The following S100Z variants were observed in gnomAD, a reference collection of about 807,000 sequenced individuals.
The protein encoded by S100Z is protein S100-Z.
S100Z carries 11 observed loss-of-function variants against 8.5 expected under a neutral mutation model. The ratio of observed to expected loss-of-function variants is 1.30; its 90% confidence interval spans 0.82 to 2.15. S100Z has a LOEUF of 2.15. S100Z is among the 30% of genes most tolerant of loss of function. The pLI is 0.00. For synonymous variants in S100Z, 34 were observed against 43.8 expected (o/e 0.78, Z 0.89); for missense variants, 126 against 117.9 (o/e 1.07, Z -0.32).
At chr5:76,948,048 G>A in the S100Z span, among the ~76,000 whole-genome samples, 1 of 152,114 alleles carries the variant, frequency 6.6e-6, no homozygotes, top group African/African-American at 2.4e-5. Flanking sequence ...TCTGCAGGCT[G>A]GGAGCCGCGG....
chr5:76,868,623 C>CTTTTTTT (rs35398110), intron 1 of S100Z, among the ~76,000 whole-genome samples: 2 of 122,850 alleles, frequency 1.6e-5, no homozygotes, highest in Non-Finnish European at 3.3e-5. Context: ...AATTCAAACT[C>CTTTTTTT]TTTTTTTTTT....
the S100Z span, among the ~76,000 whole-genome samples, chr5:76,951,499 G>T: frequency 6.6e-6 from 1 of 152,210 alleles, no homozygotes; most frequent in Non-Finnish European, 1.5e-5. Context: ...CAGGCCAAGG[G>T]CTGTGGCTAC....
the S100Z span, among the ~76,000 whole-genome samples, chr5:76,932,947 A>G: frequency 1.3e-5 from 2 of 152,218 alleles, no homozygotes; most frequent in African/African-American, 2.4e-5. Flanking sequence ...AATGAAAATT[A>G]TATTTGCTTC....
At chr5:76,931,488 T>A in the S100Z span, among the ~76,000 whole-genome samples, 1 of 152,074 alleles carries the variant, frequency 6.6e-6, no homozygotes, top group Non-Finnish European at 1.5e-5. Context: ...TAAACCTAAT[T>A]ACCTTCCAAA....
At chr5:76,858,809 C>T (rs1212782114) in intron 1 of S100Z, among the ~76,000 whole-genome samples, 3 of 152,078 alleles carry the variant, frequency 2.0e-5, no homozygotes, top group Non-Finnish European at 2.9e-5. Context: ...GGTGGATACA[C>T]AGACTATAAA....
chr5:76,922,588 C>T (rs984441759), downstream of S100Z, among the ~76,000 whole-genome samples: 16 of 151,678 alleles, frequency 1.1e-4, no homozygotes, highest in African/African-American at 2.0e-4. Context: ...TGCAGTGGCA[C>T]GATCGGCTGA....
chr5:76,863,999 A>C (rs1475759824), intron 1 of S100Z, among the ~76,000 whole-genome samples: 1 of 152,246 alleles, frequency 6.6e-6, no homozygotes, highest in East Asian at 1.9e-4. Context: ...GATAGGTTAC[A>C]ATTTTAAATA....
chr5:76,935,360 A>G, the S100Z span, among the ~76,000 whole-genome samples: 1 of 152,234 alleles, frequency 6.6e-6, no homozygotes, highest in East Asian at 1.9e-4. Flanking sequence ...ATGATTACTA[A>G]TTTGACACAT....
chr5:76,913,574 A>G (rs6871700), intron 4 of S100Z, among the ~76,000 whole-genome samples: 105,191 of 151,760 alleles, frequency 0.69, 37,358 homozygotes, highest in African/African-American at 0.85. Context: ...AACTTACAAG[A>G]TTTTCAACTA....
chr5:76,910,871 G>A (rs1050483373), intron 4 of S100Z, among the ~76,000 whole-genome samples: 9 of 152,246 alleles, frequency 5.9e-5, no homozygotes, highest in Non-Finnish European at 1.3e-4. Flanking sequence ...GGGACAGCCT[G>A]TAACCAGTTG....
At chr5:76,868,621 CTCT>C (rs1742876124) in intron 1 of S100Z, among the ~76,000 whole-genome samples, 1 of 121,822 alleles carries the variant, frequency 8.2e-6, no homozygotes, top group Non-Finnish European at 1.7e-5. Flanking sequence ...CAAATTCAAA[CTCT>C]TTTTTTTTTT....
chr5:76,889,330 T>C (rs1378918330), intron 4 of S100Z, among the ~76,000 whole-genome samples: 2 of 152,254 alleles, frequency 1.3e-5, no homozygotes, highest in Non-Finnish European at 2.9e-5. Context: ...CGTCCGCTCA[T>C]TGAAGCCGTA....
chr5:76,851,355 G>T (rs532201589), intron 1 of S100Z, among the ~76,000 whole-genome samples: 1 of 152,338 alleles, frequency 6.6e-6, no homozygotes, highest in Admixed American at 6.5e-5. Flanking sequence ...AGGCAGGGGA[G>T]GCTAATTTTG....
intron 4 of S100Z, among the ~76,000 whole-genome samples, chr5:76,914,372 G>C (rs2150683417): frequency 2.7e-5 from 1 of 37,442 alleles, no homozygotes; most frequent in African/African-American, 2.0e-4. Context: ...TAAAAGGTTT[G>C]TAAACACACC....
chr5:76,920,728 A>G lies in S100Z; in HGVS notation c.*14A>G, dbSNP rs920592429. On this transcript the variant is annotated 3_prime_UTR_variant, in exon 5 of 5. Transcript: ENST00000317593. The stretch of plus-strand genomic sequence containing the variant: ...GTCTTTGATTTCAGGAAGTTCGTGA[A>G]TGCTAATCAAGGGCTAAATAAAGTG... 1 of 152,250 alleles carries G rather than the reference A, an allele frequency of 6.6e-6. No individual in the cohort carries two copies. Among genetic ancestry groups the G allele is most frequent in the African/African-American group, 2.4e-5 (1 of 41,468 alleles). 9.4% of individuals were successfully genotyped at this position (152,250 alleles called of 1,614,324 possible). A position where few individuals can be genotyped will look rare whatever the true frequency, so the allele number is the denominator to read the frequency against.
At chr5:76,898,952 T>G (rs1381861663) in intron 4 of S100Z, among the ~76,000 whole-genome samples, 1 of 148,834 alleles carries the variant, frequency 6.7e-6, no homozygotes, top group Non-Finnish European at 1.5e-5. Context: ...TTTTTTTTTT[T>G]GAGACAGAAT....
intron 4 of S100Z, among the ~76,000 whole-genome samples, chr5:76,883,068 C>T (rs976178409): frequency 1.4e-4 from 22 of 152,164 alleles, no homozygotes; most frequent in Non-Finnish European, 2.8e-4. Flanking sequence ...CTTTAAAAGG[C>T]CATGCTGTAA....
At chr5:76,897,004 C>T (rs1440886321) in intron 4 of S100Z, among the ~76,000 whole-genome samples, 1 of 152,030 alleles carries the variant, frequency 6.6e-6, no homozygotes, top group African/African-American at 2.4e-5. Context: ...TATTTTGTTC[C>T]ATTGGTCTGT....
chr5:76,882,007 G>C (rs4703720), intron 4 of S100Z, among the ~76,000 whole-genome samples: 1,880 of 152,248 alleles, frequency 0.012, 59 homozygotes, highest in East Asian at 0.11. Flanking sequence ...ACAGCATGGT[G>C]GTGCAGGATA....
Sources: gnomAD v4.1 joint callset for allele counts (sites outside exome capture counted in the v4.1 genomes callset) on GRCh38, gnomAD v4.1.1 for gene constraint, MANE v1.5 for transcripts, NCBI Gene and HGNC (gene_info 2026-07-23, HGNC 2026-07-21) for gene names.